The following IL1RAPL1 variants were observed in gnomAD, a reference collection of about 807,000 sequenced individuals.
IL1RAPL1 encodes interleukin-1 receptor accessory protein-like 1.
A neutral mutation model predicts 48.4 loss-of-function variants in IL1RAPL1; 3 were observed. The ratio of observed to expected loss-of-function variants is 0.06; its 90% CI spans 0.03 to 0.16. The LOEUF (loss-of-function observed/expected upper bound fraction) is 0.16, where lower values mean the gene tolerates loss of function less well. Ranked by LOEUF, IL1RAPL1 falls within the 10% of genes least tolerant of loss-of-function variation. The pLI is 1.00. For missense variants in IL1RAPL1, 349 were observed against 530.6 expected, an observed-to-expected ratio of 0.66 and a Z score of 3.36; for synonymous variants, 185 against 187.7, an observed-to-expected ratio of 0.99 and a Z score of 0.12.
At chrX:29,503,762 A>C (rs961472859) in intron 5 of IL1RAPL1, among the ~76,000 whole-genome samples, 1 of 110,093 alleles carries the variant, frequency 9.1e-6, no homozygotes, top group African/African-American at 3.3e-5. Context: ...CAATCCTCTC[A>C]CCTCAGCCTC....
At chrX:28,889,467 A>G (rs1273452661) in intron 2 of IL1RAPL1, among the ~76,000 whole-genome samples, 1 of 111,802 alleles carries the variant, frequency 8.9e-6, no homozygotes, top group African/African-American at 3.2e-5. Context: ...ACATGAAGAA[A>G]TTGTTATACT....
intron 2 of IL1RAPL1, among the ~76,000 whole-genome samples, chrX:28,917,656 C>T (rs781500976): frequency 1.4e-4 from 16 of 112,242 alleles, no homozygotes; most frequent in Admixed American, 5.7e-4. Flanking sequence ...ACTGGCTCCA[C>T]ATTTCAAACA....
At chrX:29,214,934 A>T (rs1930837983) in intron 2 of IL1RAPL1, among the ~76,000 whole-genome samples, 1 of 112,454 alleles carries the variant, frequency 8.9e-6, no homozygotes, top group African/African-American at 3.2e-5. Flanking sequence ...CTTACTAAAT[A>T]GATTTAACAG....
At chrX:29,321,585 T>C (rs1277902887) in intron 3 of IL1RAPL1, among the ~76,000 whole-genome samples, 1 of 111,870 alleles carries the variant, frequency 8.9e-6, no homozygotes, top group African/African-American at 3.2e-5. Flanking sequence ...CACAGTGATA[T>C]TTTGTTTTAG....
At chrX:28,878,601 G>A (rs1292666976) in intron 2 of IL1RAPL1, among the ~76,000 whole-genome samples, 1 of 111,738 alleles carries the variant, frequency 8.9e-6, no homozygotes, top group African/African-American at 3.3e-5. Context: ...GGTAAAGACT[G>A]GGAATTTGGA....
intron 1 of IL1RAPL1, among the ~76,000 whole-genome samples, chrX:28,611,331 C>T (rs752958846): frequency 1.8e-4 from 20 of 111,226 alleles, no homozygotes; most frequent in Non-Finnish European, 2.6e-4. Flanking sequence ...TTATTGAGTT[C>T]CTGCTATATG....
intron 3 of IL1RAPL1, among the ~76,000 whole-genome samples, chrX:29,361,179 G>A (rs940123590): frequency 1.8e-5 from 2 of 111,866 alleles, no homozygotes; most frequent in East Asian, 5.6e-4. Flanking sequence ...GGAGGGTACA[G>A]ATGGAACAAC....
At chrX:29,534,929 A>G (rs1921171435) in intron 5 of IL1RAPL1, among the ~76,000 whole-genome samples, 1 of 107,915 alleles carries the variant, frequency 9.3e-6, no homozygotes, top group African/African-American at 3.4e-5. Flanking sequence ...AGATTGTGCC[A>G]CTGCACTCCA....
intron 6 of IL1RAPL1, among the ~76,000 whole-genome samples, chrX:29,827,438 A>G (rs940237688): frequency 3.6e-5 from 4 of 112,247 alleles, no homozygotes; most frequent in Non-Finnish European, 7.5e-5. Context: ...CAGGTGCGTG[A>G]AGATAGACAA....
At chrX:29,906,313 T>C (rs774207949) in intron 6 of IL1RAPL1, among the ~76,000 whole-genome samples, 7 of 95,813 alleles carry the variant, frequency 7.3e-5, no homozygotes, top group East Asian at 3.3e-4. Flanking sequence ...CCAGCCTGGG[T>C]GATAGAGCGA....
chrX:28,929,210 T>C (rs779797641), intron 2 of IL1RAPL1, among the ~76,000 whole-genome samples: 16 of 112,380 alleles, frequency 1.4e-4, no homozygotes, highest in African/African-American at 3.5e-4. Flanking sequence ...AACATGTTAC[T>C]GTACTGAATA....
chrX:29,203,790 C>G (rs1190808788), intron 2 of IL1RAPL1, among the ~76,000 whole-genome samples: 3 of 101,517 alleles, frequency 3.0e-5, no homozygotes, highest in Non-Finnish European at 5.9e-5. Flanking sequence ...ACTGTACTGT[C>G]AAACACTGGA....
rs35088625 is a variant in IL1RAPL1, at chrX:29,221,620, T to TACACAC, written c.83-61270_83-61265dup. Reference sequence around the variant, plus strand: ...CAAAGGAGCAATGTATACACACACATACACACACACACACACACACACACA... The same window carrying TACACAC: ...CAAAGGAGCAATGTATACACACACATACACACACACACACACACACACACACACACA... On this transcript the variant is annotated intron_variant, in intron 2 of 10. Coordinates refer to ENST00000378993, the MANE Select transcript of IL1RAPL1 (RefSeq NM_014271.4). 5.1e-3 allele frequency among the ~76,000 whole-genome samples: 405 copies of TACACAC among 79,229 alleles called. 5 individuals are homozygous for TACACAC. Among genetic ancestry groups the TACACAC allele is most frequent in the South Asian group, 0.01 (13 of 1,277 alleles). 68.8% of individuals were successfully genotyped at this position (79,229 alleles called of 115,157 possible).
chrX:29,849,988 C>T (rs1057079337), intron 6 of IL1RAPL1, among the ~76,000 whole-genome samples: 1 of 111,684 alleles, frequency 9.0e-6, no homozygotes, highest in Non-Finnish European at 1.9e-5. Context: ...CTCTTCCTCT[C>T]CTCAAACTTT....
chrX:29,647,457 AACTT>A (rs59192882), intron 5 of IL1RAPL1, among the ~76,000 whole-genome samples: 14,427 of 111,125 alleles, frequency 0.13, 988 homozygotes, highest in African/African-American at 0.25. Context: ...TAACTACACT[AACTT>A]ATTATGGTAC....
At chrX:28,879,827 A>G (rs986834120) in intron 2 of IL1RAPL1, among the ~76,000 whole-genome samples, 7 of 112,090 alleles carry the variant, frequency 6.2e-5, no homozygotes, top group African/African-American at 2.3e-4. Context: ...AAAATGCTCT[A>G]TACAGTTTCA....
chrX:29,853,679 C>A lies in IL1RAPL1; in HGVS notation c.779-63785C>A, dbSNP rs1482786608. ...ATTTAGAAGCAACTTGATTATAAAT[C>A]TTTTTTCAGTAGAATTCAGTCATCA... On this transcript the variant is annotated intron_variant, in intron 6 of 10. Transcript: ENST00000378993. 2.7e-5 allele frequency among the ~76,000 whole-genome samples: 3 copies of A among 111,460 alleles called. No homozygotes were observed. In the Admixed American group the frequency reaches 2.9e-4, roughly 11 times the overall value.
chrX:28,959,371 T>C (rs1465975517), intron 2 of IL1RAPL1, among the ~76,000 whole-genome samples: 1 of 111,356 alleles, frequency 9.0e-6, no homozygotes, highest in African/African-American at 3.3e-5. Flanking sequence ...AAATGGAAAT[T>C]CATTGGAATG....
chrX:29,552,378 G>A (rs1192912989), intron 5 of IL1RAPL1, among the ~76,000 whole-genome samples: 2 of 111,127 alleles, frequency 1.8e-5, no homozygotes, highest in Non-Finnish European at 3.8e-5. Flanking sequence ...TTATTTTTCA[G>A]GAGACGCACA....
Sources: allele counts gnomAD v4.1 joint callset (sites outside exome capture counted in the v4.1 genomes callset), GRCh38; gene constraint gnomAD v4.1.1; transcripts MANE v1.5; gene names NCBI Gene and HGNC (gene_info 2026-07-23, HGNC 2026-07-21).